MKRN3: variants seen among roughly 807,000 people sequenced by gnomAD.
MKRN3 encodes E3 ubiquitin-protein ligase makorin-3.
For missense variants in MKRN3, 749 were observed against 667.0 expected (o/e 1.12, Z -1.35); for synonymous variants, 301 against 250.2 (o/e 1.20, Z -1.91).
At position 23,565,838 on chromosome 15, in the gene MKRN3, G is replaced by A. The variant is rs1487098179; in HGVS notation, c.56G>A (p.Gly19Asp). 1 of 1,613,202 alleles carries A rather than the reference G, an allele frequency of 6.2e-7. No homozygotes were observed. Among genetic ancestry groups the A allele is most frequent in the Non-Finnish European group, 8.5e-7 (1 of 1,179,482 alleles). Residue 19 changes from glycine (G) to aspartate (D), a missense_variant, in exon 1 of 1, where the codon GGT becomes GAT. Gly to Asp is a moderately conservative substitution (Grantham distance 94, BLOSUM62 -1). Transcript: ENST00000314520. ...CACGAGGCAGCCGGGGCCCAGGCAG[G>A]TGCTGAGGCAGCAAGGGAGGGTGTG... ...EAHEAAGAQAGAEAAREGVSG... is the reference protein window; with the variant it reads ...EAHEAAGAQADAEAAREGVSG...
rs1889103783 is a variant in MKRN3 at position 23,566,658 on chromosome 15, A to C, written c.876A>C (p.Ala292=). The C allele has an allele frequency of 6.2e-7, 1 of 1,614,124 alleles. No homozygotes were observed. Among genetic ancestry groups the C allele is most frequent in the East Asian group, 2.2e-5 (1 of 44,892 alleles). Residue 292 remains alanine, a synonymous_variant, in exon 1 of 1, where the codon GCA becomes GCC. Transcript: ENST00000314520. ...REEHMRACIE[A]HEKDMELSFA... Reference sequence around the variant, plus strand: ...AACATATGAGGGCCTGCATTGAAGCACACGAGAAAGATATGGAACTCTCGT... The same window carrying C: ...AACATATGAGGGCCTGCATTGAAGCCCACGAGAAAGATATGGAACTCTCGT...
rs371642799 is a variant in MKRN3 at position 23,566,216 on chromosome 15, C to G, written c.434C>G (p.Thr145Arg). Residue 145 changes from threonine (T) to arginine (R), a missense_variant, in exon 1 of 1, where the codon ACG becomes AGG. By Grantham distance (71) the Thr-to-Arg change is moderately conservative. Coordinates refer to ENST00000314520, the MANE Select transcript of MKRN3 (RefSeq NM_005664.4). ...GCCTCTGCAGGTGGAGGCCCTAGCACGGCTGCGCACATCGAGCCCCCGACT... is the reference window on the plus strand; with the variant it reads ...GCCTCTGCAGGTGGAGGCCCTAGCAGGGCTGCGCACATCGAGCCCCCGACT... ...PGASAGGGPSTAAHIEPPTQE... is the reference protein window; with the variant it reads ...PGASAGGGPSRAAHIEPPTQE... 6.2e-7 allele frequency: 1 copy of G among 1,613,648 alleles called. No homozygotes were observed. The highest frequency in any genetic ancestry group is 8.5e-7 in the Non-Finnish European group (1 of 1,180,034).
In MKRN3 at chr15:23,567,318, G is replaced by A; in HGVS notation, c.*12G>A. 1 of 1,612,510 alleles carries A rather than the reference G, an allele frequency of 6.2e-7. No homozygotes were observed. The highest frequency in any genetic ancestry group is 8.5e-7 in the Non-Finnish European group (1 of 1,179,048). The stretch of plus-strand genomic sequence containing the variant: ...ATTTGATTCTGTAGCATCGTGCTGT[G>A]GCATGTGGTCTAGTCTGCTGAGGTT... On this transcript the variant is annotated 3_prime_UTR_variant, in exon 1 of 1. Transcript: ENST00000314520.
rs1449698546 is a variant in MKRN3, at chr15:23,565,832, A to C, written c.50A>C (p.Gln17Pro). ...PSEAHEAAGA[Q>P]AGAEAAREGV... ...GAAGCCCACGAGGCAGCCGGGGCCC[A>C]GGCAGGTGCTGAGGCAGCAAGGGAG... The change falls in exon 1 of 1, where the codon CAG becomes CCG. Residue 17 changes from glutamine (Q) to proline (P), a missense_variant. Coordinates refer to ENST00000314520, the MANE Select transcript of MKRN3 (RefSeq NM_005664.4). 9 of 1,612,346 alleles carry C rather than the reference A, an allele frequency of 5.6e-6. No homozygotes were observed. Among genetic ancestry groups the C allele is most frequent in the African/African-American group, 1.3e-5 (1 of 74,922 alleles).
At position 23,567,507 on chromosome 15, in the gene MKRN3, T is replaced by G; in HGVS notation, c.*201T>G. 1 of 1,416,478 alleles carries G rather than the reference T, an allele frequency of 7.1e-7. No individual in the cohort carries two copies. The highest frequency in any genetic ancestry group is 9.2e-7 in the Non-Finnish European group (1 of 1,084,042). 87.7% of individuals were successfully genotyped at this position (1,416,478 alleles called of 1,614,324 possible). On this transcript the variant is annotated 3_prime_UTR_variant, in exon 1 of 1. Coordinates refer to ENST00000314520, the MANE Select transcript of MKRN3 (RefSeq NM_005664.4). The stretch of plus-strand genomic sequence containing the variant: ...TAAGTCCTTAAAGTTACTGTTTTGG[T>G]GAAATTAATATTAATGTCAGCTTAT...
Position 23,566,423 on chromosome 15 carries a change from G to T in MKRN3, c.641G>T (p.Gly214Val). The T allele has an allele frequency of 6.2e-7, 1 of 1,614,166 alleles. No homozygotes were observed. Among genetic ancestry groups the T allele is most frequent in the African/African-American group, 1.3e-5 (1 of 75,066 alleles). ...IEFVPGQPYR[G>V]RWVASAPEAP... ...TTTGTTCCAGGGCAGCCCTACCGGG[G>T]CCGCTGGGTTGCATCTGCCCCCGAG... Residue 214 changes from glycine (G) to valine (V), a missense_variant, in exon 1 of 1, where the codon GGC (glycine) becomes GTC (valine). By Grantham distance (109) the Gly-to-Val change is moderately radical. Coordinates refer to ENST00000314520, the MANE Select transcript of MKRN3 (RefSeq NM_005664.4).
chr15:23,566,057 G>C lies in MKRN3; in HGVS notation c.275G>C (p.Ser92Thr), dbSNP rs768184540. 2 of 1,614,182 alleles carry C rather than the reference G, an allele frequency of 1.2e-6. No homozygotes were observed. Among genetic ancestry groups the C allele is most frequent in the Non-Finnish European group, 1.7e-6 (2 of 1,180,052 alleles). ...AWPSPLPSRS[S>T]GIWTKQIICR... ...CCCAGTCCGTTGCCAAGCCGAAGCA[G>C]CGGCATTTGGACAAAGCAGATCATC... Residue 92 changes from serine (S) to threonine (T), a missense_variant, in exon 1 of 1, where the codon AGC becomes ACC. Coordinates refer to ENST00000314520, the MANE Select transcript of MKRN3 (RefSeq NM_005664.4).
Position 23,567,866 on chromosome 15 carries a change from C to T in MKRN3, c.*560C>T, listed in dbSNP as rs1428129304. 1.0e-6 allele frequency: 1 copy of T among 954,996 alleles called. No individual in the cohort carries two copies. Among genetic ancestry groups the T allele is most frequent in the Admixed American group, 6.2e-5 (1 of 16,052 alleles). The allele number at this position is 954,996 out of a possible 1,614,324, so 59.2% of individuals were successfully genotyped here. On this transcript the variant is annotated 3_prime_UTR_variant, in exon 1 of 1. Coordinates refer to ENST00000314520, the MANE Select transcript of MKRN3 (RefSeq NM_005664.4). The stretch of plus-strand genomic sequence containing the variant: ...CATGTTTTTATCCTGTTTAGCTTGA[C>T]ATGAAATAATTTATATTTGGAAATA...
rs774367502 is a variant in MKRN3 at position 23,566,301 on chromosome 15, G to A, written c.519G>A (p.Ser173=). ...CCCTTTCCTTGCCTGTGATTGGCTCGGCTGCTGAAAGGGGTTTCTTTGAAG... is the reference window on the plus strand; with the variant it reads ...CCCTTTCCTTGCCTGTGATTGGCTCAGCTGCTGAAAGGGGTTTCTTTGAAG... The part of the protein sequence containing the change: ...ASSLSLPVIG[S]AAERGFFEAE... Residue 173 remains serine, a synonymous_variant, in exon 1 of 1, where the codon TCG becomes TCA. Coordinates refer to ENST00000314520, the MANE Select transcript of MKRN3 (RefSeq NM_005664.4). 5.0e-6 allele frequency: 8 copies of A among 1,613,772 alleles called. No individual in the cohort carries two copies. The highest frequency in any genetic ancestry group is 1.6e-4 in the Middle Eastern group (1 of 6,082).
chr15:23,565,700 C>G lies in MKRN3; in HGVS notation c.-83C>G, dbSNP rs1025608746. The stretch of plus-strand genomic sequence containing the variant: ...CACTTCCCCCAGAGAAGCCTCCGAG[C>G]GCGGCCGCCATTCCGGGCCTCAAGC... On this transcript the variant is annotated 5_prime_UTR_variant, in exon 1 of 1. Coordinates refer to ENST00000314520, the MANE Select transcript of MKRN3 (RefSeq NM_005664.4). The G allele has an allele frequency of 1.2e-5, 16 of 1,366,646 alleles. No individual in the cohort carries two copies. In the African/African-American group the frequency reaches 1.2e-4, roughly 10 times the overall value. The allele number at this position is 1,366,646 out of a possible 1,614,324, so 84.7% of individuals were successfully genotyped here.
At position 23,566,195 on chromosome 15, in the gene MKRN3, C is replaced by T; in HGVS notation, c.413C>T (p.Ser138Phe). Residue 138 changes from serine to phenylalanine, a missense_variant, in exon 1 of 1, where the codon TCT becomes TTT. Ser to Phe is a radical substitution (Grantham distance 155). Transcript: ENST00000314520. ...TEGGVSPPGA[S>F]AGGGPSTAAH... ...GGTGGCGTTTCGCCGCCTGGGGCCT[C>T]TGCAGGTGGAGGCCCTAGCACGGCT... 1 of 1,613,812 alleles carries T rather than the reference C, an allele frequency of 6.2e-7. No homozygotes were observed. Among genetic ancestry groups the T allele is most frequent in the Non-Finnish European group, 8.5e-7 (1 of 1,180,038 alleles).
Position 23,566,087 on chromosome 15 carries a change from G to T in MKRN3, c.305G>T (p.Arg102Met). ...SGIWTKQIIC[R>M]YYIHGQCKEG... is the part of the protein sequence containing the mutation. ...ATTTGGACAAAGCAGATCATCTGCA[G>T]GTATTATATACATGGGCAGTGCAAG... Residue 102 changes from arginine to methionine, a missense_variant, in exon 1 of 1, where the codon AGG becomes ATG. Arg to Met is a moderately conservative substitution (Grantham distance 91). Coordinates refer to ENST00000314520, the MANE Select transcript of MKRN3 (RefSeq NM_005664.4). 1 of 1,614,178 alleles carries T rather than the reference G, an allele frequency of 6.2e-7. No individual in the cohort carries two copies. The highest frequency in any genetic ancestry group is 8.5e-7 in the Non-Finnish European group (1 of 1,180,042).
At position 23,567,163 on chromosome 15, in the gene MKRN3, A is replaced by G; in HGVS notation, c.1381A>G (p.Ile461Val). Residue 461 changes from isoleucine to valine, a missense_variant, in exon 1 of 1, where the codon ATT becomes GTT. Ile to Val is a conservative substitution (Grantham distance 29). Transcript: ENST00000314520. ...MGEGNMLYKS[I>V]KKELVVLRLA... ...AGAGGGCAACATGCTCTATAAAAGC[A>G]TTAAGAAGGAGCTTGTCGTGCTTCG... 1 of 1,614,252 alleles carries G rather than the reference A, an allele frequency of 6.2e-7. No homozygotes were observed. Among genetic ancestry groups the G allele is most frequent in the Non-Finnish European group, 8.5e-7 (1 of 1,180,050 alleles).
In MKRN3 at chr15:23,566,262, C is replaced by T. The variant is rs372340447; in HGVS notation, c.480C>T (p.Pro160=). 16 of 1,613,844 alleles carry T rather than the reference C, an allele frequency of 9.9e-6. No individual in the cohort carries two copies. Among genetic ancestry groups the T allele is most frequent in the East Asian group, 8.9e-5 (4 of 44,888 alleles). The change falls in exon 1 of 1, where the codon CCC becomes CCT. Residue 160 remains proline, a synonymous_variant. Coordinates refer to ENST00000314520, the MANE Select transcript of MKRN3 (RefSeq NM_005664.4). ...CGACTCAGGAAGTGGCGGAAGCCCC[C>T]CCGGCTGCATCCTCCCTTTCCTTGC... ...EPPTQEVAEA[P]PAASSLSLPV... is the part of the protein sequence containing the mutation.
At position 23,566,237 on chromosome 15, in the gene MKRN3, C is replaced by A; in HGVS notation, c.455C>A (p.Pro152Gln). The change falls in exon 1 of 1, where the codon CCG (proline) becomes CAG (glutamine). Residue 152 changes from proline to glutamine, a missense_variant. Coordinates refer to ENST00000314520, the MANE Select transcript of MKRN3 (RefSeq NM_005664.4). ...AGCACGGCTGCGCACATCGAGCCCCCGACTCAGGAAGTGGCGGAAGCCCCC... is the reference window on the plus strand; with the variant it reads ...AGCACGGCTGCGCACATCGAGCCCCAGACTCAGGAAGTGGCGGAAGCCCCC... Reference protein sequence around the residue: ...GPSTAAHIEPPTQEVAEAPPA... With the variant: ...GPSTAAHIEPQTQEVAEAPPA... 2 of 1,613,686 alleles carry A rather than the reference C, an allele frequency of 1.2e-6. No individual in the cohort carries two copies. The highest frequency in any genetic ancestry group is 1.7e-6 in the Non-Finnish European group (2 of 1,180,028).
rs36072495 is a variant in MKRN3, at chr15:23,566,175, C to T, written c.393C>T (p.Gly131=). 1,242 of 1,613,848 alleles carry T rather than the reference C, an allele frequency of 7.7e-4. 7 individuals are homozygous for T. The African/African-American group carries it at 0.014, about 19-fold the overall frequency. The change falls in exon 1 of 1, where the codon GGC becomes GGT. Residue 131 remains glycine (G), a synonymous_variant. Coordinates refer to ENST00000314520, the MANE Select transcript of MKRN3 (RefSeq NM_005664.4). ...GTCGGAAGATGGCCACTGAGGGTGG[C>T]GTTTCGCCGCCTGGGGCCTCTGCAG... ...LSGRKMATEG[G]VSPPGASAGG...
rs1348428749 is a variant in MKRN3 at position 23,567,367 on chromosome 15, T to C, written c.*61T>C. 34 of 1,578,420 alleles carry C rather than the reference T, an allele frequency of 2.2e-5. No homozygotes were observed. Among genetic ancestry groups the C allele is most frequent in the Non-Finnish European group, 3.4e-6 (4 of 1,161,792 alleles). Reference sequence around the variant, plus strand: ...TTCTGTCGTCTGCTATTGCCTGTTTTCCCTGTGTTGACACTCTTACTGCTT... The same window carrying C: ...TTCTGTCGTCTGCTATTGCCTGTTTCCCCTGTGTTGACACTCTTACTGCTT... On this transcript the variant is annotated 3_prime_UTR_variant, in exon 1 of 1. Coordinates refer to ENST00000314520, the MANE Select transcript of MKRN3 (RefSeq NM_005664.4).
chr15:23,565,850 C>G lies in MKRN3; in HGVS notation c.68C>G (p.Ala23Gly). The G allele has an allele frequency of 6.2e-7, 1 of 1,613,602 alleles. No individual in the cohort carries two copies. The highest frequency in any genetic ancestry group is 8.5e-7 in the Non-Finnish European group (1 of 1,179,738). The change falls in exon 1 of 1, where the codon GCA becomes GGA. Residue 23 changes from alanine (A) to glycine (G), a missense_variant. By Grantham distance (60) the Ala-to-Gly change is moderately conservative. Transcript: ENST00000314520. ...GGGGCCCAGGCAGGTGCTGAGGCAGCAAGGGAGGGTGTGTCTGGGCCGGAC... is the reference window on the plus strand; with the variant it reads ...GGGGCCCAGGCAGGTGCTGAGGCAGGAAGGGAGGGTGTGTCTGGGCCGGAC... ...AAGAQAGAEA[A>G]REGVSGPDLP...
rs1258174527 is a variant in MKRN3, at chr15:23,566,186, C to G, written c.404C>G (p.Pro135Arg). The change falls in exon 1 of 1, where the codon CCT (proline) becomes CGT (arginine). Residue 135 changes from proline to arginine, a missense_variant. Transcript: ENST00000314520. ...GCCACTGAGGGTGGCGTTTCGCCGC[C>G]TGGGGCCTCTGCAGGTGGAGGCCCT... ...KMATEGGVSP[P>R]GASAGGGPST... is the part of the protein sequence containing the mutation. The G allele has an allele frequency of 1.2e-6, 2 of 1,613,696 alleles. No homozygotes were observed. The highest frequency in any genetic ancestry group is 2.7e-5 in the African/African-American group (2 of 74,954).
Sources: allele counts gnomAD v4.1 joint callset, GRCh38; gene constraint gnomAD v4.1.1; transcripts MANE v1.5; gene names NCBI Gene and HGNC (gene_info 2026-07-23, HGNC 2026-07-21).